PWWP2A: variants seen among roughly 807,000 people sequenced by gnomAD.
PWWP2A encodes PWWP domain-containing protein 2A.
A neutral mutation model predicts 48.5 loss-of-function variants in PWWP2A; 18 were observed. The observed-to-expected ratio is 0.37, with a 90% CI of 0.26 to 0.55. The LOEUF (loss-of-function observed/expected upper bound fraction) is 0.55, where lower values mean the gene tolerates loss of function less well. Among genes scored for constraint, PWWP2A ranks in the 20% least tolerant of loss-of-function variants. PWWP2A has a pLI of 0.81. For synonymous variants in PWWP2A, 396 were observed against 387.7 expected (o/e 1.02, Z -0.25); for missense variants, 867 against 976.4 (o/e 0.89, Z 1.49).
chr5:160,073,088 G>C (rs1425163392), downstream of PWWP2A, among the ~76,000 whole-genome samples: 1 of 151,632 alleles, frequency 6.6e-6, no homozygotes, highest in African/African-American at 2.4e-5. Flanking sequence ...TGAAGAGCTT[G>C]GTGAGATGGA....
intron 1 of PWWP2A, among the ~76,000 whole-genome samples, chr5:160,095,133 C>T (rs1755503184): frequency 7.1e-6 from 1 of 140,026 alleles, no homozygotes; most frequent in Non-Finnish European, 1.5e-5. Flanking sequence ...CACACTTAAG[C>T]AAAAGTTTCA....
At chr5:160,111,447 C>A (rs985586342) in intron 1 of PWWP2A, among the ~76,000 whole-genome samples, 1 of 151,802 alleles carries the variant, frequency 6.6e-6, no homozygotes, top group Non-Finnish European at 1.5e-5. Flanking sequence ...GTATTACAGG[C>A]GTGAGCCACC....
intron 1 of PWWP2A, among the ~76,000 whole-genome samples, chr5:160,108,197 G>A (rs1581255766): frequency 6.6e-6 from 1 of 151,902 alleles, no homozygotes; most frequent in Admixed American, 6.6e-5. Flanking sequence ...AGGCAGAGTG[G>A]CCCGGAGGAT....
At chr5:160,089,762 G>A, downstream of PWWP2A, 1 of 985,426 alleles carries the variant, frequency 1.0e-6, no homozygotes, top group Non-Finnish European at 1.2e-6. Context: ...TTAAGCCGCA[G>A]ATTTGGTCTA....
chr5:160,096,879 G>A (rs1429924123), intron 1 of PWWP2A, among the ~76,000 whole-genome samples: 1 of 152,094 alleles, frequency 6.6e-6, no homozygotes, highest in African/African-American at 2.4e-5. Context: ...TCAACTGTTT[G>A]TATCCTCTAA....
chr5:160,118,941 C>T lies in PWWP2A; in HGVS notation c.448G>A (p.Asp150Asn), dbSNP rs758288266. The stretch of plus-strand genomic sequence containing the variant: ...GGGATCAGTTGCGACACCGTGGAGT[C>T]CCCGCCCGCCGGCGGCACGAGCGCC... ...APALVPPAGG[D>N]STVSQLIPGS... The change falls in exon 1 of 2, where the codon GAC becomes AAC. Residue 150 changes from aspartate (D) to asparagine (N), a missense_variant. By Grantham distance (23) the Asp-to-Asn change is conservative. Around this residue, in one of 4 missense-constraint regions of PWWP2A, gnomAD observed 385 missense variants for 396.9 expected, o/e 0.97. Coordinates refer to ENST00000307063, the MANE Select transcript of PWWP2A (RefSeq NM_001130864.2). The T allele has an allele frequency of 1.3e-6, 2 of 1,598,764 alleles. No individual in the cohort carries two copies. Among genetic ancestry groups the T allele is most frequent in the Non-Finnish European group, 1.7e-6 (2 of 1,173,886 alleles).
At chr5:160,114,768 TAAAAAAAA>T (rs56276633) in intron 1 of PWWP2A, among the ~76,000 whole-genome samples, 1 of 129,048 alleles carries the variant, frequency 7.7e-6, no homozygotes, top group African/African-American at 3.0e-5. Flanking sequence ...GTCTCAAGGG[TAAAAAAAA>T]AAAAAAAAAA....
Position 160,093,687 on chromosome 5 carries a change from C to T in PWWP2A, c.963G>A (p.Leu321=). The change falls in exon 2 of 2, where the codon CTG becomes CTA. Residue 321 remains leucine, a synonymous_variant. Coordinates refer to ENST00000307063, the MANE Select transcript of PWWP2A (RefSeq NM_001130864.2). The surrounding 1 kb of genome is among the most constrained non-coding windows in gnomAD (Gnocchi z 5.8). ...CAACACTGTTTTTACATTTATCACA[C>T]AGAACTTGCCTGGGTCGTAGTTTAA... ...NAIKLRPRQV[L]CDKCKNSVVA... is the part of the protein sequence containing the mutation. 3 of 1,614,000 alleles carry T rather than the reference C, an allele frequency of 1.9e-6. No individual in the cohort carries two copies. The highest frequency in any genetic ancestry group is 2.2e-5 in the East Asian group (1 of 44,896).
At chr5:160,080,492 C>G (rs1333566027) in intron 3 of PWWP2A, among the ~76,000 whole-genome samples, 1 of 152,138 alleles carries the variant, frequency 6.6e-6, no homozygotes, top group Non-Finnish European at 1.5e-5. Flanking sequence ...TTCATTAAAA[C>G]TATCACCTAC....
At chr5:160,045,547 CT>C in the PWWP2A span, among the ~76,000 whole-genome samples, 7 of 146,620 alleles carry the variant, frequency 4.8e-5, no homozygotes, top group African/African-American at 1.8e-4. Flanking sequence ...CTCTCTCTCT[CT>C]CTCTCCCCCT....
At chr5:160,116,869 G>A in intron 1 of PWWP2A, 1 of 593,988 alleles carries the variant, frequency 1.7e-6, no homozygotes, top group Non-Finnish European at 2.1e-6. Context: ...AAGGTGGGTG[G>A]ATCACCTGAG....
chr5:160,067,359 A>G (rs937702848), intron 2 of PWWP2A, among the ~76,000 whole-genome samples: 5 of 152,184 alleles, frequency 3.3e-5, no homozygotes, highest in Non-Finnish European at 2.9e-5. Context: ...CAGAACACCT[A>G]TGGATCCTTG....
At chr5:160,067,315 T>C (rs961118229) in intron 2 of PWWP2A, among the ~76,000 whole-genome samples, 8 of 152,102 alleles carry the variant, frequency 5.3e-5, no homozygotes, top group Non-Finnish European at 7.4e-5. Flanking sequence ...GCTTTCATAA[T>C]ACAAAATACA....
chr5:160,101,497 T>C (rs1452223062), intron 1 of PWWP2A, among the ~76,000 whole-genome samples: 1 of 152,188 alleles, frequency 6.6e-6, no homozygotes, highest in Non-Finnish European at 1.5e-5. Flanking sequence ...AGTAGAATGG[T>C]TGACAGCAGG....
downstream of PWWP2A, chr5:160,090,490 TAAGTA>T (rs926590542): frequency 1.6e-4 from 160 of 982,906 alleles, no homozygotes; most frequent in Non-Finnish European, 1.8e-4. Flanking sequence ...ATTTTTTTTT[TAAGTA>T]TAGTTGTTTC....
intron 1 of PWWP2A, among the ~76,000 whole-genome samples, chr5:160,113,626 C>T (rs1471919176): frequency 6.6e-6 from 1 of 152,228 alleles, no homozygotes; most frequent in East Asian, 1.9e-4. Context: ...AGAACTAAAA[C>T]TTCAGAGCTT....
At chr5:160,048,820 G>A in the PWWP2A span, among the ~76,000 whole-genome samples, 64 of 152,178 alleles carry the variant, frequency 4.2e-4, no homozygotes, top group African/African-American at 7.5e-4. Context: ...GCATGGTGGC[G>A]CATGCCTGTA....
At chr5:160,045,520 A>ACACACACACACACTCTCTCT in the PWWP2A span, among the ~76,000 whole-genome samples, 1 of 54,884 alleles carries the variant, frequency 1.8e-5, no homozygotes, top group Non-Finnish European at 3.3e-5. Flanking sequence ...ACACATACAC[A>ACACACACACACACTCTCTCT]CTCTCTCTCT....
intron 1 of PWWP2A, among the ~76,000 whole-genome samples, chr5:160,109,770 AAAAAATATATATATATAT>A (rs1366430300): frequency 0.014 from 516 of 38,176 alleles, 10 homozygotes; most frequent in African/African-American, 0.042. Context: ...AAAAAAAAAA[AAAAAATATATATATATAT>A]ATATATATAT....
Sources: allele counts gnomAD v4.1 joint callset (sites outside exome capture counted in the v4.1 genomes callset), GRCh38; gene constraint gnomAD v4.1.1; regional missense constraint gnomAD v4.1.1; non-coding constraint Gnocchi (gnomAD v3.1); transcripts MANE v1.5; gene names NCBI Gene and HGNC (gene_info 2026-07-23, HGNC 2026-07-21).